Variants in SPAG16 observed in about 807,000 individuals in gnomAD.
SPAG16 encodes the protein sperm associated antigen 16, also known as sperm-associated antigen 16 protein.
SPAG16 carries 86 observed loss-of-function variants against 80.4 expected under a neutral mutation model. The observed-to-expected ratio is 1.07, with a 90% confidence interval of 0.90 to 1.28. The LOEUF is 1.28. Ranked by LOEUF, SPAG16 falls within the 50% of genes most tolerant of loss-of-function variation. The probability of loss-of-function intolerance (pLI) is 0.00; values close to 1 mark genes in which losing one functional copy is unlikely to be tolerated. For synonymous variants in SPAG16, 294 were observed against 265.9 expected, an observed-to-expected ratio of 1.11 and a Z score of -1.03; for missense variants, 870 against 765.3, an observed-to-expected ratio of 1.14 and a Z score of -1.61.
At chr2:214,194,587 C>A (rs975735886) in intron 15 of SPAG16, among the ~76,000 whole-genome samples, 2 of 152,014 alleles carry the variant, frequency 1.3e-5, no homozygotes, top group African/African-American at 4.8e-5. Flanking sequence ...TGCATTAGAT[C>A]TTTATAACAC....
chr2:214,240,208 C>G (rs1485194455), intron 15 of SPAG16: 2 of 152,220 alleles, frequency 1.3e-5, no homozygotes, highest in Non-Finnish European at 2.9e-5. Context: ...CATATCACCT[C>G]TAATCCAGCA....
chr2:214,389,281 A>C (rs1442313369), intron 15 of SPAG16, among the ~76,000 whole-genome samples: 6 of 152,208 alleles, frequency 3.9e-5, no homozygotes, highest in Non-Finnish European at 8.8e-5. Context: ...ACTAGGAAAA[A>C]AATGTTTTTC....
At chr2:213,851,903 G>A (rs778685193) in intron 10 of SPAG16, among the ~76,000 whole-genome samples, 4 of 152,302 alleles carry the variant, frequency 2.6e-5, no homozygotes, top group Middle Eastern at 3.4e-3. Context: ...TGTAAGTCCT[G>A]CTCTGCTTTG....
rs1367915596 is a variant in SPAG16 at position 214,367,417 on chromosome 2, G to C, written c.1721-42723G>C. The stretch of plus-strand genomic sequence containing the variant: ...AAACCACCTATTCTGGTATGAGAGG[G>C]AGGAAGAGTTTCATAACATTAAAGA... On this transcript the variant is annotated intron_variant, in intron 15 of 15. Transcript: ENST00000331683. 2.6e-5 allele frequency among the ~76,000 whole-genome samples: 4 copies of C among 152,126 alleles called. No homozygotes were observed. In the East Asian group the frequency reaches 7.7e-4, roughly 29 times the overall value.
chr2:213,762,171 C>T (rs1237259075), intron 10 of SPAG16, among the ~76,000 whole-genome samples: 1 of 151,942 alleles, frequency 6.6e-6, no homozygotes, highest in African/African-American at 2.4e-5. Context: ...AACTGTAAAG[C>T]CAAAAGGTAG....
At chr2:213,640,341 T>A (rs2062538281) in intron 10 of SPAG16, among the ~76,000 whole-genome samples, 1 of 152,176 alleles carries the variant, frequency 6.6e-6, no homozygotes, top group Non-Finnish European at 1.5e-5. Flanking sequence ...ATTACCAGAA[T>A]TGTTTTTCTG....
intron 10 of SPAG16, among the ~76,000 whole-genome samples, chr2:213,832,418 G>A (rs1430908347): frequency 3.3e-5 from 5 of 152,128 alleles, no homozygotes; most frequent in East Asian, 1.9e-4. Context: ...ACTTTCTCCC[G>A]TCTTCCTGTC....
chr2:213,549,475 T>C lies in SPAG16; in HGVS notation c.1070+59385T>C, dbSNP rs1028957069. On this transcript the variant is annotated intron_variant, in intron 10 of 15. Coordinates refer to ENST00000331683, the MANE Select transcript of SPAG16 (RefSeq NM_024532.5). ...ATCAGGAGTCACCTCTGTTTCTTAC[T>C]TCTCACTCTGCAGTCCTATTGATTC... 2.0e-5 allele frequency among the ~76,000 whole-genome samples: 3 copies of C among 152,208 alleles called. No individual in the cohort carries two copies. In the South Asian group the frequency reaches 6.2e-4, roughly 32 times the overall value.
intron 10 of SPAG16, among the ~76,000 whole-genome samples, chr2:213,496,900 A>C (rs2074517706): frequency 6.6e-6 from 1 of 151,566 alleles, no homozygotes; most frequent in Non-Finnish European, 1.5e-5. Context: ...ATTATGTTGT[A>C]ATTTTTATGT....
intron 3 of SPAG16, among the ~76,000 whole-genome samples, chr2:213,302,006 A>G (rs1230023260): frequency 1.3e-5 from 2 of 152,152 alleles, no homozygotes; most frequent in African/African-American, 4.8e-5. Context: ...TCCATTGTGT[A>G]TCACTTCACC....
chr2:213,686,674 C>CTTTTTT lies in SPAG16; in HGVS notation c.1071-175786_1071-175781dup, dbSNP rs748200040. Among the ~76,000 whole-genome samples the CTTTTTT allele has an allele frequency of 1.0e-4, 9 of 86,104 alleles. 1 individual carries two copies. The highest frequency in any genetic ancestry group is 2.0e-4 in the Non-Finnish European group (8 of 40,852). The allele number at this position is 86,104 out of a possible 152,430, so 56.5% of individuals were successfully genotyped here. On this transcript the variant is annotated intron_variant, in intron 10 of 15. Coordinates refer to ENST00000331683, the MANE Select transcript of SPAG16 (RefSeq NM_024532.5). ...TTGGTATGGTTAGGTATTAATCCAC[C>CTTTTTT]TTTTTTTTTTTTTTTTTTTTTTTTT...
chr2:214,315,454 C>T (rs955735646), intron 15 of SPAG16, among the ~76,000 whole-genome samples: 3 of 151,984 alleles, frequency 2.0e-5, no homozygotes, highest in African/African-American at 4.8e-5. Context: ...GGAAAGAATT[C>T]GGTTAGCTTC....
rs1471335515 is a variant in SPAG16, at chr2:214,106,941, TACTCCCTTACTATACTTTCATTGGCTA to T, written c.1528-1232_1528-1206del. Among the ~76,000 whole-genome samples the T allele has an allele frequency of 9.2e-5, 14 of 152,124 alleles. 1 individual carries two copies. The highest frequency in any genetic ancestry group is 2.1e-4 in the Non-Finnish European group (14 of 68,008). On this transcript the variant is annotated intron_variant, in intron 13 of 15. Transcript: ENST00000331683. Reference sequence around the variant, plus strand: ...AAACTCCCTTCCTATACTTTGGCTATACTCCCTTACTATACTTTCATTGGCTAACTCCCTTACTATACTTTCATTCTT... The same window carrying T: ...AAACTCCCTTCCTATACTTTGGCTATACTCCCTTACTATACTTTCATTCTT...
At chr2:214,253,143 G>T (rs1690423274) in intron 15 of SPAG16, among the ~76,000 whole-genome samples, 1 of 146,250 alleles carries the variant, frequency 6.8e-6, no homozygotes, top group Non-Finnish European at 1.5e-5. Flanking sequence ...ACTTTTTGAT[G>T]GAGTTGTTTA....
intron 13 of SPAG16, among the ~76,000 whole-genome samples, chr2:214,053,474 A>T (rs1201554816): frequency 6.6e-6 from 1 of 152,164 alleles, no homozygotes; most frequent in Non-Finnish European, 1.5e-5. Flanking sequence ...CTAGAAAATT[A>T]TGAGGACTTC....
chr2:213,718,835 G>A (rs533924498), intron 10 of SPAG16, among the ~76,000 whole-genome samples: 18 of 152,276 alleles, frequency 1.2e-4, no homozygotes, highest in Admixed American at 3.9e-4. Context: ...CCTACTCCAC[G>A]GCGCCCAGTC....
chr2:214,108,131 C>T (rs1021788759), intron 13 of SPAG16, 65 bp from the exon 14 acceptor site: 2 of 1,270,656 alleles, frequency 1.6e-6, no homozygotes, highest in Non-Finnish European at 1.1e-6. Flanking sequence ...TTAAAAGCAT[C>T]TTTGAATTCC....
intron 3 of SPAG16, among the ~76,000 whole-genome samples, chr2:213,299,510 C>G (rs964447506): frequency 6.6e-6 from 1 of 151,866 alleles, no homozygotes. Context: ...GATCTCCTGA[C>G]CTCGTGATCC....
chr2:213,430,454 A>C (rs1325703944), intron 9 of SPAG16, among the ~76,000 whole-genome samples: 1 of 152,196 alleles, frequency 6.6e-6, no homozygotes, highest in Admixed American at 6.5e-5. Context: ...TGAAAACATT[A>C]TGAGATTTTT....
Sources: allele counts gnomAD v4.1 joint callset (sites outside exome capture counted in the v4.1 genomes callset), GRCh38; gene constraint gnomAD v4.1.1; transcripts MANE v1.5; gene names NCBI Gene and HGNC (gene_info 2026-07-23, HGNC 2026-07-21).